The following SLC8A1 variants were observed in gnomAD, a reference collection of about 807,000 sequenced individuals.
The protein encoded by SLC8A1 is sodium/calcium exchanger 1.
In SLC8A1, 18 loss-of-function variants were observed where a neutral mutation model predicts 68.3. The observed-to-expected ratio is 0.26, with a 90% confidence interval of 0.18 to 0.39. The LOEUF (loss-of-function observed/expected upper bound fraction) is 0.39. Among genes scored for constraint, SLC8A1 ranks in the 10% least tolerant of loss-of-function variants. The pLI, the probability that SLC8A1 is intolerant of heterozygous loss-of-function variation, is 1.00. For synonymous variants in SLC8A1, 475 were observed against 415.5 expected, an observed-to-expected ratio of 1.14 and a Z score of -1.74; for missense variants, 985 against 1,156.7, an observed-to-expected ratio of 0.85 and a Z score of 2.15.
chr2:40,421,253 C>CA (rs1218773586), intron 2 of SLC8A1, among the ~76,000 whole-genome samples: 2 of 152,132 alleles, frequency 1.3e-5, no homozygotes, highest in East Asian at 3.9e-4. Context: ...TCACCAACAG[C>CA]ACCATGACCA....
At chr2:40,389,215 T>C (rs1470230273) in intron 2 of SLC8A1, among the ~76,000 whole-genome samples, 1 of 152,118 alleles carries the variant, frequency 6.6e-6, no homozygotes, top group African/African-American at 2.4e-5. Flanking sequence ...ACGGACAATT[T>C]GTAGAGATCA....
chr2:40,377,347 A>G (rs759826205), intron 2 of SLC8A1, among the ~76,000 whole-genome samples: 3 of 152,100 alleles, frequency 2.0e-5, no homozygotes, highest in African/African-American at 4.8e-5. Context: ...GCCTTGGCCA[A>G]TACCTTGAGT....
At chr2:40,449,636 T>A (rs1702073562) in intron 1 of SLC8A1, among the ~76,000 whole-genome samples, 1 of 151,412 alleles carries the variant, frequency 6.6e-6, no homozygotes, top group Non-Finnish European at 1.5e-5. Context: ...ATGTGCTTAA[T>A]CTGAAACGTT....
intron 2 of SLC8A1, among the ~76,000 whole-genome samples, chr2:40,239,545 T>G (rs151252801): frequency 1.6e-3 from 251 of 152,228 alleles, no homozygotes; most frequent in Non-Finnish European, 3.0e-3. Context: ...CAGGGCTGCA[T>G]TAGGGGTTGG....
intron 1 of SLC8A1, among the ~76,000 whole-genome samples, chr2:40,498,045 G>C (rs1237204821): frequency 6.6e-6 from 1 of 151,976 alleles, no homozygotes; most frequent in Non-Finnish European, 1.5e-5. Flanking sequence ...GATTTGGTGT[G>C]TTGTGGACAC....
chr2:40,135,438 T>C (rs1247725966), intron 7 of SLC8A1, among the ~76,000 whole-genome samples: 1 of 152,154 alleles, frequency 6.6e-6, no homozygotes, highest in East Asian at 1.9e-4. Context: ...CCAGGTGCAG[T>C]GGCTCACTCC....
At chr2:40,484,416 C>T (rs537799121) in intron 1 of SLC8A1, among the ~76,000 whole-genome samples, 1 of 152,204 alleles carries the variant, frequency 6.6e-6, no homozygotes, top group Non-Finnish European at 1.5e-5. Context: ...ATGCTCCAAG[C>T]CTGCTGCTCC....
At chr2:40,462,141 G>A (rs993429920) in intron 1 of SLC8A1, among the ~76,000 whole-genome samples, 3 of 150,148 alleles carry the variant, frequency 2.0e-5, no homozygotes, top group African/African-American at 7.3e-5. Flanking sequence ...CAAAAAGCTG[G>A]GATTACAGGC....
intron 2 of SLC8A1, among the ~76,000 whole-genome samples, chr2:40,407,554 T>C (rs1236150500): frequency 6.6e-6 from 1 of 152,200 alleles, no homozygotes; most frequent in South Asian, 2.1e-4. Context: ...TCCACCTCAG[T>C]GAACAGCCTT....
intron 7 of SLC8A1, among the ~76,000 whole-genome samples, chr2:40,131,533 C>T (rs1346093083): frequency 6.6e-6 from 1 of 152,192 alleles, no homozygotes; most frequent in East Asian, 1.9e-4. Context: ...TCGCTCCTGA[C>T]CACCTCTCTG....
chr2:40,422,102 T>G (rs1695671829), intron 2 of SLC8A1, among the ~76,000 whole-genome samples: 1 of 151,982 alleles, frequency 6.6e-6, no homozygotes, highest in African/African-American at 2.4e-5. Flanking sequence ...CCCAAGGCAG[T>G]TACGAAGATT....
intron 1 of SLC8A1, among the ~76,000 whole-genome samples, chr2:40,434,391 T>C (rs193045333): frequency 2.6e-5 from 4 of 152,288 alleles, no homozygotes; most frequent in Admixed American, 2.0e-4. Flanking sequence ...CACGAAGATG[T>C]GGAATAGATG....
At chr2:40,289,901 A>C (rs2068983701) in intron 2 of SLC8A1, among the ~76,000 whole-genome samples, 1 of 151,382 alleles carries the variant, frequency 6.6e-6, no homozygotes, top group South Asian at 2.1e-4. Context: ...TTAAAAAATA[A>C]GGAGGAAAAA....
chr2:40,295,314 G>T (rs2070160147), intron 2 of SLC8A1, among the ~76,000 whole-genome samples: 1 of 151,834 alleles, frequency 6.6e-6, no homozygotes, highest in African/African-American at 2.4e-5. Flanking sequence ...TGTTTCCCAG[G>T]CTAGTTTCAA....
intron 2 of SLC8A1, among the ~76,000 whole-genome samples, chr2:40,267,156 G>A (rs1012806736): frequency 7.2e-5 from 11 of 152,180 alleles, no homozygotes; most frequent in Non-Finnish European, 1.6e-4. Context: ...ATTAACTAGA[G>A]TATAAACAAG....
At chr2:40,127,598 T>C (rs2038410509) in intron 7 of SLC8A1, among the ~76,000 whole-genome samples, 1 of 152,212 alleles carries the variant, frequency 6.6e-6, no homozygotes, top group African/African-American at 2.4e-5. Context: ...AATCCTCTGG[T>C]GGGCCTATCT....
chr2:40,411,862 C>T (rs188599614), intron 2 of SLC8A1, among the ~76,000 whole-genome samples: 231 of 152,066 alleles, frequency 1.5e-3, no homozygotes, highest in Non-Finnish European at 1.4e-3. Context: ...TATTGGGTAT[C>T]CTGTTTTTAT....
At chr2:40,197,917 T>C (rs2053392969) in intron 2 of SLC8A1, among the ~76,000 whole-genome samples, 1 of 88,268 alleles carries the variant, frequency 1.1e-5, no homozygotes, top group East Asian at 2.6e-4. Flanking sequence ...AAATGCTCCT[T>C]GGGAATAGCT....
At chr2:40,148,634 G>A (rs931621226) in intron 6 of SLC8A1, among the ~76,000 whole-genome samples, 7 of 152,138 alleles carry the variant, frequency 4.6e-5, no homozygotes, top group South Asian at 2.1e-4. Flanking sequence ...TCCACTGACC[G>A]TAAGGTCCCA....
Sources: allele counts gnomAD v4.1 joint callset (sites outside exome capture counted in the v4.1 genomes callset), GRCh38; gene constraint gnomAD v4.1.1; transcripts MANE v1.5; gene names NCBI Gene and HGNC (gene_info 2026-07-23, HGNC 2026-07-21).